The following EIF3E variants were observed in gnomAD, a reference collection of about 807,000 sequenced individuals.
EIF3E encodes eIF-3 p48.
A neutral mutation model predicts 59.3 loss-of-function variants in EIF3E; 25 were observed. The observed-to-expected ratio is 0.42, with a 90% CI of 0.31 to 0.59. The LOEUF is 0.59. Ranked by LOEUF, EIF3E falls within the 20% of genes least tolerant of loss-of-function variation. The probability of loss-of-function intolerance (pLI) is 0.15; values close to 1 mark genes in which losing one functional copy is unlikely to be tolerated. For missense variants in EIF3E, 317 were observed against 534.3 expected (o/e 0.59, Z 4.01); for synonymous variants, 176 against 170.2 (o/e 1.03, Z -0.26).
intron 10 of EIF3E, among the ~76,000 whole-genome samples, chr8:108,210,239 A>G (rs1228693105): frequency 2.0e-5 from 3 of 152,156 alleles, no homozygotes; most frequent in Non-Finnish European, 4.4e-5. Flanking sequence ...TAAAGTCACT[A>G]ATTTACAGCA....
At chr8:108,233,873 A>C (rs1815673145) in intron 5 of EIF3E, among the ~76,000 whole-genome samples, 1 of 148,884 alleles carries the variant, frequency 6.7e-6, no homozygotes, top group African/African-American at 2.5e-5. Context: ...GAAATCTTAG[A>C]CTTTAAGTAC....
rs760663242 is a variant in EIF3E, at chr8:108,234,976, AAAAAC to A, written c.471+17_471+21del. On this transcript the variant is annotated intron_variant, in intron 5 of 12. Transcript: ENST00000220849. ...TACAAAAGACAAAAAAAAAAAAAAA[AAAAAC>A]ATGTACTTATACTTACCAGCACTCT... The A allele has an allele frequency of 6.3e-6, 9 of 1,438,214 alleles. No individual in the cohort carries two copies. Among genetic ancestry groups the A allele is most frequent in the East Asian group, 2.3e-5 (1 of 42,856 alleles). 89.1% of individuals were successfully genotyped at this position (1,438,214 alleles called of 1,614,324 possible).
intron 11 of EIF3E, 28 bp from the exon 12 acceptor site, chr8:108,203,145 C>A (rs759439844): frequency 6.2e-7 from 1 of 1,600,796 alleles, no homozygotes; most frequent in Admixed American, 1.7e-5. Context: ...GAAATTGATC[C>A]TATAATGTTA....
chr8:108,213,254 G>C (rs747366657), intron 10 of EIF3E, among the ~76,000 whole-genome samples: 2 of 152,182 alleles, frequency 1.3e-5, no homozygotes, highest in Non-Finnish European at 2.9e-5. Flanking sequence ...AAATCTTATT[G>C]ATAGTACCTC....
At chr8:108,206,223 G>A (rs190361764) in intron 10 of EIF3E, among the ~76,000 whole-genome samples, 1 of 152,084 alleles carries the variant, frequency 6.6e-6, no homozygotes, top group East Asian at 1.9e-4. Context: ...AGTCAAGGGG[G>A]TCTTGACTTA....
At chr8:108,233,138 A>G (rs887250524) in intron 5 of EIF3E, among the ~76,000 whole-genome samples, 3 of 152,222 alleles carry the variant, frequency 2.0e-5, no homozygotes, top group Admixed American at 1.3e-4. Context: ...ATTACCTTCA[A>G]TGCACTTGCA....
intron 7 of EIF3E, chr8:108,227,891 G>A (rs563363702): frequency 2.3e-4 from 36 of 157,756 alleles, no homozygotes; most frequent in African/African-American, 6.5e-4. Flanking sequence ...AAAGATGCAC[G>A]TATTCCTTTC....
chr8:108,217,473 A>G lies in EIF3E; in HGVS notation c.723-13T>C. 1.3e-6 allele frequency: 2 copies of G among 1,578,020 alleles called. No individual in the cohort carries two copies. On this transcript the variant is annotated splice_polypyrimidine_tract_variant and intron_variant, in intron 7 of 12. Transcript: ENST00000220849. Reference sequence around the variant, plus strand: ...TGCATTAAGATATCTAAGAAAAAATATAAAAGTTATTTAATAACTTACCCA... The same window carrying G: ...TGCATTAAGATATCTAAGAAAAAATGTAAAAGTTATTTAATAACTTACCCA...
At chr8:108,233,677 G>GA (rs746472216) in intron 5 of EIF3E, 10,582 of 346,388 alleles carry the variant, frequency 0.031, 117 homozygotes, top group African/African-American at 0.075. Context: ...CTCCATCTTG[G>GA]AAAAAAAAAA....
intron 1 of EIF3E, among the ~76,000 whole-genome samples, chr8:108,248,145 G>C (rs1435134302): frequency 6.6e-6 from 1 of 152,042 alleles, no homozygotes; most frequent in African/African-American, 2.4e-5. Flanking sequence ...TAAAGCGCTA[G>C]ATACTTATTT....
At chr8:108,242,175 C>T (rs1298093490) in intron 1 of EIF3E, 1 of 1,348,680 alleles carries the variant, frequency 7.4e-7, no homozygotes, top group East Asian at 4.3e-5. Flanking sequence ...TTTACATGAC[C>T]TTATTTTTTA....
At chr8:108,223,080 A>G (rs559055683) in intron 7 of EIF3E, among the ~76,000 whole-genome samples, 1 of 152,316 alleles carries the variant, frequency 6.6e-6, no homozygotes, top group East Asian at 1.9e-4. Flanking sequence ...AACATGAAAA[A>G]TGACAACTCT....
intron 9 of EIF3E, 152 bp downstream of exon 9, chr8:108,216,260 A>G (rs1815302298): frequency 1.7e-6 from 1 of 589,916 alleles, no homozygotes; most frequent in Non-Finnish European, 2.9e-6. Context: ...TTTAAGGTTA[A>G]TAAACATGAG....
In EIF3E at chr8:108,201,738, C is replaced by T; in HGVS notation, c.*147G>A. On this transcript the variant is annotated 3_prime_UTR_variant, in exon 13 of 13. Coordinates refer to ENST00000220849, the MANE Select transcript of EIF3E (RefSeq NM_001568.3). ...CTTGCACATGCAAGAAAACTGACAG[C>T]AAGATAAAATGAATCAATTTTATTC... 1 of 659,392 alleles carries T rather than the reference C, an allele frequency of 1.5e-6. No individual in the cohort carries two copies. Among genetic ancestry groups the T allele is most frequent in the Non-Finnish European group, 2.2e-6 (1 of 445,736 alleles). The allele number at this position is 659,392 out of a possible 1,614,324, so 40.8% of individuals were successfully genotyped here. A position where few individuals can be genotyped will look rare whatever the true frequency, so the allele number is the denominator to read the frequency against.
intron 1 of EIF3E, among the ~76,000 whole-genome samples, chr8:108,243,633 A>T (rs796831152): frequency 6.8e-6 from 1 of 147,922 alleles, no homozygotes; most frequent in Non-Finnish European, 1.5e-5. Flanking sequence ...TGTCTCAAAA[A>T]AAAAGAAAAA....
In EIF3E at chr8:108,235,109, AG is replaced by A; in HGVS notation, c.367-8del. On this transcript the variant is annotated splice_region_variant and splice_polypyrimidine_tract_variant and intron_variant, in intron 4 of 12. Transcript: ENST00000220849. Reference sequence around the variant, plus strand: ...CTAAATATTCCTGCCTAAACTAAAAAGAAAAAAAAAAGATTAAGTTCTCTTT... The same window carrying A: ...CTAAATATTCCTGCCTAAACTAAAAAAAAAAAAAAAGATTAAGTTCTCTTT... The A allele has an allele frequency of 6.6e-7, 1 of 1,512,280 alleles. No individual in the cohort carries two copies. Among genetic ancestry groups the A allele is most frequent in the Non-Finnish European group, 8.9e-7 (1 of 1,121,878 alleles). The allele number at this position is 1,512,280 out of a possible 1,614,324, so 93.7% of individuals were successfully genotyped here.
At chr8:108,239,078 G>T (rs1448851030) in intron 3 of EIF3E, among the ~76,000 whole-genome samples, 1 of 152,140 alleles carries the variant, frequency 6.6e-6, no homozygotes, top group Admixed American at 6.6e-5. Flanking sequence ...GAGCTTGGAA[G>T]GGTATGAAAG....
intron 3 of EIF3E, among the ~76,000 whole-genome samples, chr8:108,239,626 A>G (rs1313619757): frequency 6.6e-6 from 1 of 152,168 alleles, no homozygotes; most frequent in Non-Finnish European, 1.5e-5. Flanking sequence ...CTAGGTCCCT[A>G]TAGCACCCCT....
At chr8:108,216,658 C>T (rs1000822329) in intron 8 of EIF3E, 145 bp from the exon 9 acceptor site, 5 of 633,966 alleles carry the variant, frequency 7.9e-6, no homozygotes, top group Non-Finnish European at 1.4e-5. Flanking sequence ...AACAATTGTT[C>T]CTATCCTGAT....
Sources: gnomAD v4.1 joint callset for allele counts (sites outside exome capture counted in the v4.1 genomes callset) on GRCh38, gnomAD v4.1.1 for gene constraint, MANE v1.5 for transcripts, NCBI Gene and HGNC (gene_info 2026-07-23, HGNC 2026-07-21) for gene names.